The following C1orf167 variants were observed in gnomAD, a reference collection of about 807,000 sequenced individuals.
C1orf167 encodes uncharacterized protein C1orf167.
A neutral mutation model predicts 176.5 loss-of-function variants in C1orf167; 153 were observed. The observed-to-expected ratio is 0.87, with a 90% CI of 0.76 to 0.99. C1orf167 has a LOEUF of 0.99. Ranked by LOEUF, C1orf167 falls within the 50% of genes least tolerant of loss-of-function variation. The probability of loss-of-function intolerance (pLI) is 0.00; values close to 1 mark genes in which losing one functional copy is unlikely to be tolerated. For synonymous variants in C1orf167, 594 were observed against 752.7 expected, an observed-to-expected ratio of 0.79 and a Z score of 3.45; for missense variants, 1,490 against 1,817.7, an observed-to-expected ratio of 0.82 and a Z score of 3.28.
chr1:11,763,891 G>T (rs531367947), intron 1 of C1orf167, among the ~76,000 whole-genome samples: 1 of 152,172 alleles, frequency 6.6e-6, no homozygotes, highest in Non-Finnish European at 1.5e-5. Flanking sequence ...GGGAATCGGG[G>T]TGGCTCCAGG....
Position 11,764,327 on chromosome 1 carries a change from G to T in C1orf167, c.-70-4G>T, listed in dbSNP as rs568439970. On this transcript the variant is annotated splice_polypyrimidine_tract_variant and splice_region_variant and intron_variant, in intron 1 of 20. Coordinates refer to ENST00000688073, the MANE Select transcript of C1orf167 (RefSeq NM_001010881.2). ...AGCCAGGGCAACCTGTCCTCTCCCC[G>T]CAGGGCCCATCTGATTAAACAGACC... 8.5e-7 allele frequency: 1 copy of T among 1,183,072 alleles called. No individual in the cohort carries two copies. Among genetic ancestry groups the T allele is most frequent in the Admixed American group, 2.3e-5 (1 of 43,360 alleles). 73.3% of individuals were successfully genotyped at this position (1,183,072 alleles called of 1,614,324 possible).
Position 11,789,439 on chromosome 1 carries a change from A to G in C1orf167, c.4343A>G (p.Gln1448Arg), listed in dbSNP as rs1644018069. 7.7e-7 allele frequency: 1 copy of G among 1,303,664 alleles called. No individual in the cohort carries two copies. The highest frequency in any genetic ancestry group is 1.0e-6 in the Non-Finnish European group (1 of 988,788). The allele number at this position is 1,303,664 out of a possible 1,614,324, so 80.8% of individuals were successfully genotyped here. The change falls in exon 21 of 21, where the codon CAG becomes CGG. Residue 1448 changes from glutamine to arginine, a missense_variant. Physicochemically the swap from Gln to Arg is conservative, Grantham distance 43. Coordinates refer to ENST00000688073, the MANE Select transcript of C1orf167 (RefSeq NM_001010881.2). ...GGGGCAGAGCATGGGGCCCAGCTGC[A>G]GCTGTGACTTGTTCTCATAGAATAA... ...GLGAEHGAQLQL is the reference protein window; with the variant it reads ...GLGAEHGAQLRL
rs1052471505 is a variant in C1orf167 at position 11,784,353 on chromosome 1, G to A, written c.3185G>A (p.Arg1062His). Residue 1062 changes from arginine to histidine, a missense_variant, in exon 15 of 21, where the codon CGC becomes CAC. By Grantham distance (29) the Arg-to-His change is conservative (BLOSUM62 0). Transcript: ENST00000688073. ...EQRVAQASLA[R>H]WRSCGQQGQE... Reference sequence around the variant, plus strand: ...CGTGTGGCCCAGGCCTCCCTTGCCCGCTGGAGAAGCTGCGGGCAGCAAGGC... The same window carrying A: ...CGTGTGGCCCAGGCCTCCCTTGCCCACTGGAGAAGCTGCGGGCAGCAAGGC... The A allele has an allele frequency of 2.2e-5, 29 of 1,303,884 alleles. No homozygotes were observed. Among genetic ancestry groups the A allele is most frequent in the Non-Finnish European group, 2.5e-5 (25 of 988,864 alleles). 80.8% of individuals were successfully genotyped at this position (1,303,884 alleles called of 1,614,324 possible).
At chr1:11,786,926 A>G (rs1643888195) in intron 16 of C1orf167, 1 of 152,390 alleles carries the variant, frequency 6.6e-6, no homozygotes, top group African/African-American at 2.4e-5. Flanking sequence ...GTCAGTAAAG[A>G]CAAGGATCCC....
rs563463545 is a variant in C1orf167 at position 11,763,821 on chromosome 1, G to T, written c.-70-510G>T. 8.9e-4 allele frequency among the ~76,000 whole-genome samples: 135 copies of T among 152,328 alleles called. 1 individual carries two copies. The highest frequency in any genetic ancestry group is 3.4e-3 in the Middle Eastern group (1 of 294). On this transcript the variant is annotated intron_variant, in intron 1 of 20. Coordinates refer to ENST00000688073, the MANE Select transcript of C1orf167 (RefSeq NM_001010881.2). ...ACTCCGCCCAGTGCTCCAGGGGTCA[G>T]ATCCTGGATGCGTGTGGGAGGCAGA...
Position 11,776,629 on chromosome 1 carries a change from A to T in C1orf167, c.2330A>T (p.Gln777Leu). The change falls in exon 10 of 21, where the codon CAG becomes CTG. Residue 777 changes from glutamine (Q) to leucine (L), a missense_variant. Coordinates refer to ENST00000688073, the MANE Select transcript of C1orf167 (RefSeq NM_001010881.2). ...LLWKMRLFQR[Q>L]WANSFFQGLQ... ...TGGAAGATGCGGCTTTTCCAGCGCC[A>T]GTGGGCCAAGTAGGTGTCCTCGAGC... The T allele has an allele frequency of 8.4e-7, 1 of 1,196,798 alleles. No homozygotes were observed. Among genetic ancestry groups the T allele is most frequent in the Non-Finnish European group, 1.1e-6 (1 of 937,580 alleles). The allele number at this position is 1,196,798 out of a possible 1,614,324, so 74.1% of individuals were successfully genotyped here. A position where few individuals can be genotyped will look rare whatever the true frequency, so the allele number is the denominator to read the frequency against.
chr1:11,785,245 A>G lies in C1orf167; in HGVS notation c.3523A>G (p.Thr1175Ala). 1.5e-6 allele frequency: 2 copies of G among 1,291,390 alleles called. No homozygotes were observed. The highest frequency in any genetic ancestry group is 1.5e-5 in the African/African-American group (1 of 65,990). 80.0% of individuals were successfully genotyped at this position (1,291,390 alleles called of 1,614,324 possible). Reference sequence around the variant, plus strand: ...GGCTGAGCTCAGGCGCTTCCTGCGGACAGTGCAGCTCAGGGTGCGGCTGGG... The same window carrying G: ...GGCTGAGCTCAGGCGCTTCCTGCGGGCAGTGCAGCTCAGGGTGCGGCTGGG... ...RPAELRRFLR[T>A]VQLRVRLGLP... is the part of the protein sequence containing the mutation. Residue 1175 changes from threonine (T) to alanine (A), a missense_variant, in exon 16 of 21, where the codon ACA (threonine) becomes GCA (alanine). Transcript: ENST00000688073.
chr1:11,766,284 G>C lies in C1orf167; in HGVS notation c.498G>C (p.Leu166=), dbSNP rs1642789685. Residue 166 remains leucine, a synonymous_variant, in exon 3 of 21, where the codon CTG becomes CTC. Transcript: ENST00000688073. This position sits in a 1 kb window ranked among gnomAD's most constrained non-coding sequence, Gnocchi z 4.5. ...CACTGGCTCGCCCATCTTCCTGCCTGAGGCAGTCCGGGCTGCCGGCCCCAG... is the reference window on the plus strand; with the variant it reads ...CACTGGCTCGCCCATCTTCCTGCCTCAGGCAGTCCGGGCTGCCGGCCCCAG... ...QEPLARPSSC[L]RQSGLPAPGT... is the part of the protein sequence containing the mutation. 7.8e-7 allele frequency: 1 copy of C among 1,289,572 alleles called. No homozygotes were observed. Among genetic ancestry groups the C allele is most frequent in the African/African-American group, 1.5e-5 (1 of 65,842 alleles). The allele number at this position is 1,289,572 out of a possible 1,614,324, so 79.9% of individuals were successfully genotyped here.
intron 4 of C1orf167, 35 bp downstream of exon 4, chr1:11,767,299 G>A: frequency 4.0e-6 from 5 of 1,252,830 alleles, no homozygotes; most frequent in African/African-American, 1.5e-5. Context: ...AGGGGTTGGA[G>A]TTGGGGGACA....
rs1210174344 is a variant in C1orf167 at position 11,789,250 on chromosome 1, C to T, written c.4174-20C>T. The T allele has an allele frequency of 1.0e-5, 13 of 1,302,604 alleles. No homozygotes were observed. In the East Asian group the frequency reaches 6.7e-4, roughly 67 times the overall value. 80.7% of individuals were successfully genotyped at this position (1,302,604 alleles called of 1,614,324 possible). On this transcript the variant is annotated intron_variant, in intron 20 of 20. Coordinates refer to ENST00000688073, the MANE Select transcript of C1orf167 (RefSeq NM_001010881.2). ...GAGAAAGCCCACAACAATAGCATTTCCTCTCCTCCCTGGTTCCAGGCCTTT... is the reference window on the plus strand; with the variant it reads ...GAGAAAGCCCACAACAATAGCATTTTCTCTCCTCCCTGGTTCCAGGCCTTT...
In C1orf167 at chr1:11,768,449, A is replaced by G; in HGVS notation, c.1542+174A>G. ...CCTGAATCAGCTCTGCCTGAGTTCA[A>G]ATCCTGCCCCCTCTACCACTTTCTA... On this transcript the variant is annotated intron_variant, in intron 5 of 20. Coordinates refer to ENST00000688073, the MANE Select transcript of C1orf167 (RefSeq NM_001010881.2). The surrounding 1 kb of genome is among the most constrained non-coding windows in gnomAD (Gnocchi z 4.5). 1.9e-6 allele frequency: 1 copy of G among 517,920 alleles called. No homozygotes were observed. Among genetic ancestry groups the G allele is most frequent in the Non-Finnish European group, 3.0e-6 (1 of 334,482 alleles). The allele number at this position is 517,920 out of a possible 1,614,324, so 32.1% of individuals were successfully genotyped here. A position where few individuals can be genotyped will look rare whatever the true frequency, so the allele number is the denominator to read the frequency against.
At chr1:11,789,100 T>C in intron 20 of C1orf167, 170 bp from the exon 21 acceptor site, 1 of 551,990 alleles carries the variant, frequency 1.8e-6, no homozygotes, top group Non-Finnish European at 2.9e-6. Flanking sequence ...CACCATCAGA[T>C]CTATTCTGAG....
chr1:11,766,910 G>A lies in C1orf167; in HGVS notation c.1124G>A (p.Arg375Gln), dbSNP rs868445648. The A allele has an allele frequency of 2.0e-5, 24 of 1,229,072 alleles. No homozygotes were observed. The Middle Eastern group carries it at 1.7e-3, about 85-fold the overall frequency. 76.1% of individuals were successfully genotyped at this position (1,229,072 alleles called of 1,614,324 possible). ...CAGAGGGGTGACCCCAGTCTCCCTC[G>A]AGGGGTGGGAAGCAGGGGGACCGAC... Reference protein sequence around the residue: ...RAQRGDPSLPRGVGSRGTDPC... With the variant: ...RAQRGDPSLPQGVGSRGTDPC... The change falls in exon 3 of 21, where the codon CGA becomes CAA. Residue 375 changes from arginine (R) to glutamine (Q), a missense_variant. Arg to Gln is a conservative substitution (Grantham distance 43). Transcript: ENST00000688073. The surrounding 1 kb of genome is among the most constrained non-coding windows in gnomAD (Gnocchi z 4.5).
At position 11,782,191 on chromosome 1, in the gene C1orf167, C is replaced by A; in HGVS notation, c.2863C>A (p.Gln955Lys). The change falls in exon 14 of 21, where the codon CAG becomes AAG. Residue 955 changes from glutamine to lysine, a missense_variant and splice_region_variant. By Grantham distance (53) the Gln-to-Lys change is moderately conservative. Transcript: ENST00000688073. ...CTTCAGCATCTCTCTGGCCCCAGGG[C>A]AGCAGTTCCTGCATGAAAAGTGCCA... Reference protein sequence around the residue: ...LCHWHSCWQGQQFLHEKCQTW... With the variant: ...LCHWHSCWQGKQFLHEKCQTW... 2 of 1,278,866 alleles carry A rather than the reference C, an allele frequency of 1.6e-6. No individual in the cohort carries two copies. Among genetic ancestry groups the A allele is most frequent in the Non-Finnish European group, 2.0e-6 (2 of 976,816 alleles). The allele number at this position is 1,278,866 out of a possible 1,614,324, so 79.2% of individuals were successfully genotyped here.
intron 8 of C1orf167, among the ~76,000 whole-genome samples, chr1:11,774,272 C>T (rs1643211036): frequency 1.3e-5 from 2 of 152,144 alleles, no homozygotes; most frequent in South Asian, 4.1e-4. Flanking sequence ...TGCACTCCAG[C>T]CTGGGCTCAA....
chr1:11,771,049 GTA>G lies in C1orf167; in HGVS notation c.1698-455_1698-454del, dbSNP rs869122966. ...TGTGTGTATGTGTGTGTGTGTGTGT[GTA>G]TATATATATATATATATATTTTTTT... On this transcript the variant is annotated intron_variant, in intron 6 of 20. Coordinates refer to ENST00000688073, the MANE Select transcript of C1orf167 (RefSeq NM_001010881.2). Among the ~76,000 whole-genome samples the G allele has an allele frequency of 9.2e-4, 32 of 34,908 alleles. 2 individuals are homozygous for G. Among genetic ancestry groups the G allele is most frequent in the African/African-American group, 3.2e-3 (32 of 10,110 alleles). The allele number at this position is 34,908 out of a possible 152,430, so 22.9% of individuals were successfully genotyped here.
intron 11 of C1orf167, 32 bp downstream of exon 11, chr1:11,778,848 G>A (rs929546420): frequency 2.7e-5 from 35 of 1,289,700 alleles, no homozygotes; most frequent in Non-Finnish European, 3.4e-5. Context: ...AGGGGCTGGG[G>A]CAGGTAGGGG....
chr1:11,784,453 C>T lies in C1orf167; in HGVS notation c.3285C>T (p.His1095=), dbSNP rs1166371494. Reference sequence around the variant, plus strand: ...CATGGCCAGTGGCCCCGGGCATGCACCATGAGGCCCAGCAGCAGGCAGGAG... The same window carrying T: ...CATGGCCAGTGGCCCCGGGCATGCATCATGAGGCCCAGCAGCAGGCAGGAG... ...FPAWPVAPGM[H]HEAQQQAGES... is the part of the protein sequence containing the mutation. The change falls in exon 15 of 21, where the codon CAC becomes CAT. Residue 1095 remains histidine, a synonymous_variant. Transcript: ENST00000688073. The T allele has an allele frequency of 7.7e-7, 1 of 1,303,514 alleles. No homozygotes were observed. Among genetic ancestry groups the T allele is most frequent in the Non-Finnish European group, 1.0e-6 (1 of 988,912 alleles). 80.7% of individuals were successfully genotyped at this position (1,303,514 alleles called of 1,614,324 possible).
At chr1:11,764,306 A>G (rs1295035760) in intron 1 of C1orf167, 25 bp from the exon 2 acceptor site, 1 of 1,009,192 alleles carries the variant, frequency 9.9e-7, no homozygotes, top group Non-Finnish European at 1.4e-6. Context: ...AATGAGAGCC[A>G]GGGCAACCTG....
Sources: allele counts gnomAD v4.1 joint callset (sites outside exome capture counted in the v4.1 genomes callset), GRCh38; gene constraint gnomAD v4.1.1; non-coding constraint Gnocchi (gnomAD v3.1); transcripts MANE v1.5; gene names NCBI Gene and HGNC (gene_info 2026-07-23, HGNC 2026-07-21).